SRP9: variants seen among roughly 807,000 people sequenced by gnomAD.
The protein encoded by SRP9 is signal recognition particle 9 kDa protein.
Under a neutral mutation model 11.7 loss-of-function variants are expected in SRP9, and 2 were observed. The ratio of observed to expected loss-of-function variants is 0.17; its 90% CI spans 0.07 to 0.54. The LOEUF (loss-of-function observed/expected upper bound fraction) is 0.54. Ranked by LOEUF, SRP9 falls within the 20% of genes least tolerant of loss-of-function variation. The pLI is 0.94. For missense variants in SRP9, 54 were observed against 108.1 expected, an observed-to-expected ratio of 0.50 and a Z score of 2.22; for synonymous variants, 27 against 35.6, an observed-to-expected ratio of 0.76 and a Z score of 0.86.
At chr1:225,787,064 G>GA (rs1665932667) in intron 2 of SRP9, 1 of 292,104 alleles carries the variant, frequency 3.4e-6, no homozygotes, top group Non-Finnish European at 6.7e-6. Flanking sequence ...GGTTGATCTG[G>GA]AACTCCTGGA....
At chr1:225,785,451 C>A (rs141274305) in intron 2 of SRP9, among the ~76,000 whole-genome samples, 1 of 150,866 alleles carries the variant, frequency 6.6e-6, no homozygotes, top group African/African-American at 2.4e-5. Context: ...GGCGCAATCT[C>A]GGCTCACTGC....
chr1:225,787,206 C>T (rs1257562136), intron 2 of SRP9, among the ~76,000 whole-genome samples: 2 of 152,058 alleles, frequency 1.3e-5, no homozygotes, highest in African/African-American at 4.8e-5. Context: ...GTTAGGTATA[C>T]TTGCTGAAGA....
chr1:225,787,681 A>T lies in SRP9; in HGVS notation c.142-1559A>T, dbSNP rs80078182. 2.1e-3 allele frequency among the ~76,000 whole-genome samples: 318 copies of T among 152,340 alleles called. 1 individual carries two copies. The East Asian group carries it at 0.038, about 18-fold the overall frequency. ...GACTTTTTTATAATCCCATGTATCC[A>T]TCATTTTTCTAATCCCATAATTGAT... On this transcript the variant is annotated intron_variant, in intron 2 of 2. Coordinates refer to ENST00000304786, the MANE Select transcript of SRP9 (RefSeq NM_003133.6).
intron 2 of SRP9, among the ~76,000 whole-genome samples, chr1:225,787,569 A>G (rs12031296): frequency 0.24 from 37,058 of 152,030 alleles, 4,686 homozygotes; most frequent in South Asian, 0.36. Flanking sequence ...TGCAGAACGA[A>G]TTTTAATACA....
intron 1 of SRP9, among the ~76,000 whole-genome samples, chr1:225,780,178 A>ATT (rs67816765): frequency 0.073 from 9,494 of 129,550 alleles, 515 homozygotes; most frequent in East Asian, 0.19. Context: ...TGCCTGCCTA[A>ATT]TTTTTTTTTT....
At position 225,782,014 on chromosome 1, in the gene SRP9, A is replaced by G. The variant is rs117769833; in HGVS notation, c.73-1286A>G. Among the ~76,000 whole-genome samples, 294 of 152,242 alleles carry G rather than the reference A, an allele frequency of 1.9e-3. 1 individual carries two copies. In the East Asian group the frequency reaches 0.037, roughly 19 times the overall value. ...CAGTCTCAGGAATGCAAAGACCGTA[A>G]TGGGGAAAGCTGTAGGTTGCAGTTC... is the stretch of plus-strand genomic sequence containing the variant. On this transcript the variant is annotated intron_variant, in intron 1 of 2. Coordinates refer to ENST00000304786, the MANE Select transcript of SRP9 (RefSeq NM_003133.6).
intron 2 of SRP9, chr1:225,786,931 C>T: frequency 1.3e-6 from 1 of 755,504 alleles, no homozygotes; most frequent in South Asian, 1.5e-5. Flanking sequence ...CATCCTCGAC[C>T]TCCTGGGCTC....
intron 2 of SRP9, chr1:225,786,817 T>C: frequency 7.9e-7 from 1 of 1,263,548 alleles, no homozygotes; most frequent in Non-Finnish European, 1.0e-6. Flanking sequence ...ACATGTATTC[T>C]TTTGTTTGTT....
Position 225,784,441 on chromosome 1 carries a change from G to T in SRP9, c.141+1073G>T, listed in dbSNP as rs182266930. On this transcript the variant is annotated intron_variant, in intron 2 of 2. Transcript: ENST00000304786. ...TTTTTTTGTATTTTTAGTAGAGACAGGGTTTCACCATGTTGGCCAGGATGA... is the reference window on the plus strand; with the variant it reads ...TTTTTTTGTATTTTTAGTAGAGACATGGTTTCACCATGTTGGCCAGGATGA... Among the ~76,000 whole-genome samples, 285 of 150,062 alleles carry T rather than the reference G, an allele frequency of 1.9e-3. 1 individual carries two copies. The East Asian group carries it at 0.037, about 20-fold the overall frequency.
At chr1:225,784,065 A>T (rs969564105) in intron 2 of SRP9, among the ~76,000 whole-genome samples, 1 of 150,982 alleles carries the variant, frequency 6.6e-6, no homozygotes, top group Non-Finnish European at 1.5e-5. Flanking sequence ...TTGTCTTTTC[A>T]TAACAGCTTC....
At chr1:225,783,158 GGTTTA>G in intron 1 of SRP9, 137 bp from the exon 2 acceptor site, 1 of 546,860 alleles carries the variant, frequency 1.8e-6, no homozygotes, top group South Asian at 3.1e-5. Flanking sequence ...ACTTCATTTC[GGTTTA>G]GTTTATAGTA....
intron 2 of SRP9, 187 bp from the exon 3 acceptor site, chr1:225,789,048 TTACTG>T (rs1259870860): frequency 6.4e-7 from 1 of 1,551,042 alleles, no homozygotes. Flanking sequence ...GGCATTTAAA[TTACTG>T]TACTTTAAGA....
intron 1 of SRP9, among the ~76,000 whole-genome samples, chr1:225,780,577 A>C (rs988965420): frequency 6.6e-6 from 1 of 152,216 alleles, no homozygotes; most frequent in Non-Finnish European, 1.5e-5. Flanking sequence ...ACAGCAACCC[A>C]TCAAAGTATA....
intron 1 of SRP9, among the ~76,000 whole-genome samples, chr1:225,782,061 T>G (rs1386686204): frequency 6.6e-6 from 1 of 152,168 alleles, no homozygotes; most frequent in African/African-American, 2.4e-5. Context: ...TTTATTTAGT[T>G]TCCAGAATTG....
chr1:225,789,297 A>C lies in SRP9; in HGVS notation c.199A>C (p.Ser67Arg). The C allele has an allele frequency of 6.2e-7, 1 of 1,608,860 alleles. No homozygotes were observed. Among genetic ancestry groups the C allele is most frequent in the South Asian group, 1.1e-5 (1 of 90,010 alleles). Residue 67 changes from serine (S) to arginine (R), a missense_variant, in exon 3 of 3, where the codon AGT becomes CGT. By Grantham distance (110) the Ser-to-Arg change is moderately radical. Transcript: ENST00000304786. ...TGTAAAGAAGATTGAGAAATTCCAC[A>C]GTCAACTAATGCGACTTATGGTAGC... ...QDVKKIEKFH[S>R]QLMRLMVAKE...
intron 2 of SRP9, among the ~76,000 whole-genome samples, chr1:225,787,174 T>C (rs1451444517): frequency 6.6e-6 from 1 of 152,148 alleles, no homozygotes; most frequent in Admixed American, 6.5e-5. Context: ...AGAAAAATTT[T>C]AATTGTGATT....
chr1:225,782,124 C>A (rs1575952048), intron 1 of SRP9, among the ~76,000 whole-genome samples: 1 of 151,904 alleles, frequency 6.6e-6, no homozygotes, highest in African/African-American at 2.4e-5. Context: ...TGTTTCTGTT[C>A]TGGCTTGTAG....
intron 2 of SRP9, among the ~76,000 whole-genome samples, chr1:225,785,889 C>T (rs1665899810): frequency 6.6e-6 from 1 of 151,880 alleles, no homozygotes; most frequent in Non-Finnish European, 1.5e-5. Flanking sequence ...CACCATGTCG[C>T]CCAGGCGGCT....
chr1:225,786,483 G>C (rs1036186811), intron 2 of SRP9, among the ~76,000 whole-genome samples: 3 of 152,136 alleles, frequency 2.0e-5, no homozygotes, highest in Admixed American at 2.0e-4. Flanking sequence ...GTCATATATT[G>C]TATTTGTGTT....
Sources: allele counts gnomAD v4.1 joint callset (sites outside exome capture counted in the v4.1 genomes callset), GRCh38; gene constraint gnomAD v4.1.1; transcripts MANE v1.5; gene names NCBI Gene and HGNC (gene_info 2026-07-23, HGNC 2026-07-21).